Variants in AGAP1 observed in about 807,000 individuals in gnomAD.
AGAP1 encodes the protein arf-GAP with GTPase, ANK repeat and PH domain-containing protein 1.
In AGAP1, 29 loss-of-function variants were observed where a neutral mutation model predicts 105.3. The ratio of observed to expected loss-of-function variants is 0.28; its 90% CI spans 0.21 to 0.38. AGAP1 has a LOEUF of 0.38. Among genes scored for constraint, AGAP1 ranks in the 10% least tolerant of loss-of-function variants. AGAP1 has a pLI of 1.00. For missense variants in AGAP1, 998 were observed against 1,165.1 expected, an observed-to-expected ratio of 0.86 and a Z score of 2.09; for synonymous variants, 509 against 485.9, an observed-to-expected ratio of 1.05 and a Z score of -0.63.
At position 235,574,346 on chromosome 2, in the gene AGAP1, A is replaced by G. The variant is rs771492153; in HGVS notation, c.163+79497A>G. Among the ~76,000 whole-genome samples, 1 of 152,218 alleles carries G rather than the reference A, an allele frequency of 6.6e-6. No homozygotes were observed. Among genetic ancestry groups the G allele is most frequent in the East Asian group, 1.9e-4 (1 of 5,196 alleles). ...TACCTTAAGGGAAAGGCCTCAATGGATTGATTTAATTGTATGTGTGAAGCA... is the reference window on the plus strand; with the variant it reads ...TACCTTAAGGGAAAGGCCTCAATGGGTTGATTTAATTGTATGTGTGAAGCA... On this transcript the variant is annotated intron_variant, in intron 1 of 17. Coordinates refer to ENST00000304032, the MANE Select transcript of AGAP1 (RefSeq NM_001037131.3). This position sits in a 1 kb window ranked among gnomAD's most constrained non-coding sequence, Gnocchi z 5.0.
intron 16 of AGAP1, among the ~76,000 whole-genome samples, chr2:236,070,011 G>T (rs576898750): frequency 6.6e-6 from 1 of 152,262 alleles, no homozygotes; most frequent in East Asian, 1.9e-4. Context: ...GGTGGCTGAC[G>T]CCACCCAAGG....
At position 235,599,738 on chromosome 2, in the gene AGAP1, T is replaced by G. The variant is rs546491565; in HGVS notation, c.163+104889T>G. Reference sequence around the variant, plus strand: ...TTTCTGGGTCCCACGTGATTCTACCTGATCGCTGGCTCTCTAGGGCTTTTC... The same window carrying G: ...TTTCTGGGTCCCACGTGATTCTACCGGATCGCTGGCTCTCTAGGGCTTTTC... On this transcript the variant is annotated intron_variant, in intron 1 of 17. Transcript: ENST00000304032. The surrounding 1 kb of genome is among the most constrained non-coding windows in gnomAD (Gnocchi z 5.3). Among the ~76,000 whole-genome samples the G allele has an allele frequency of 6.6e-6, 1 of 152,294 alleles. No individual in the cohort carries two copies. Among genetic ancestry groups the G allele is most frequent in the South Asian group, 2.1e-4 (1 of 4,818 alleles).
rs2059029217 is a variant in AGAP1 at position 236,090,443 on chromosome 2, A to G, written c.2115-29749A>G. ...TTTCTTCTAATTGGTAACAGATTAG[A>G]GGCATTTTATCTTTTTAAATAATTT... On this transcript the variant is annotated intron_variant, in intron 16 of 17. Transcript: ENST00000304032. The surrounding 1 kb of genome is among the most constrained non-coding windows in gnomAD (Gnocchi z 4.3). Among the ~76,000 whole-genome samples, 1 of 152,192 alleles carries G rather than the reference A, an allele frequency of 6.6e-6. No homozygotes were observed. Among genetic ancestry groups the G allele is most frequent in the Non-Finnish European group, 1.5e-5 (1 of 68,048 alleles).
chr2:235,723,024 G>A lies in AGAP1; in HGVS notation c.310+5380G>A, dbSNP rs189549466. Reference sequence around the variant, plus strand: ...TTGGTTTAGACGGTCGCTGCACTTAGAACTGTTGGAGTTGGCCCCATCACT... The same window carrying A: ...TTGGTTTAGACGGTCGCTGCACTTAAAACTGTTGGAGTTGGCCCCATCACT... On this transcript the variant is annotated intron_variant, in intron 3 of 17. Coordinates refer to ENST00000304032, the MANE Select transcript of AGAP1 (RefSeq NM_001037131.3). The surrounding 1 kb of genome is among the most constrained non-coding windows in gnomAD (Gnocchi z 6.2). Among the ~76,000 whole-genome samples, 13 of 152,314 alleles carry A rather than the reference G, an allele frequency of 8.5e-5. No homozygotes were observed. The highest frequency in any genetic ancestry group is 3.1e-4 in the African/African-American group (13 of 41,566).
chr2:235,528,306 C>A (rs946809215), intron 1 of AGAP1, among the ~76,000 whole-genome samples: 1 of 151,970 alleles, frequency 6.6e-6, no homozygotes, highest in Non-Finnish European at 1.5e-5. Context: ...AATTCTTTCA[C>A]CCCAGCAAGC....
rs1022627861 is a variant in AGAP1 at position 235,981,881 on chromosome 2, G to T, written c.1645+13258G>T. ...GTGACCTTCCCTTCCCTTGGAAGGG[G>T]GCGCTTGTCTTTTCAGCGGTCTTGC... On this transcript the variant is annotated intron_variant, in intron 13 of 17. Transcript: ENST00000304032. This position sits in a 1 kb window ranked among gnomAD's most constrained non-coding sequence, Gnocchi z 5.5. Among the ~76,000 whole-genome samples the T allele has an allele frequency of 6.6e-6, 1 of 152,186 alleles. No homozygotes were observed. The highest frequency in any genetic ancestry group is 2.4e-5 in the African/African-American group (1 of 41,446).
intron 13 of AGAP1, among the ~76,000 whole-genome samples, chr2:236,026,881 A>G (rs971501654): frequency 3.9e-5 from 6 of 152,234 alleles, no homozygotes; most frequent in Admixed American, 2.6e-4. Context: ...TCCAGCCCCT[A>G]TGCCGTCTTT....
intron 9 of AGAP1, among the ~76,000 whole-genome samples, chr2:235,851,683 G>T (rs2048465775): frequency 6.6e-6 from 1 of 152,172 alleles, no homozygotes; most frequent in African/African-American, 2.4e-5. Context: ...AAGTGCAAGT[G>T]CAAGGAGCCC....
chr2:235,643,431 C>CAAAAA (rs56146940), intron 1 of AGAP1, among the ~76,000 whole-genome samples: 167 of 61,388 alleles, frequency 2.7e-3, no homozygotes, highest in East Asian at 4.4e-3. Context: ...GACTGGGTCT[C>CAAAAA]AAAAAAAAAA....
At chr2:235,513,245 C>CGCGGGCGCGGGCGCGGGT (rs960276964) in intron 1 of AGAP1, among the ~76,000 whole-genome samples, 3 of 152,002 alleles carry the variant, frequency 2.0e-5, no homozygotes, top group Non-Finnish European at 4.4e-5. Flanking sequence ...CTGTGCCGGG[C>CGCGGGCGCGGGCGCGGGT]GCGGGTGGCT....
At position 235,701,054 on chromosome 2, in the gene AGAP1, TTA is replaced by T. The variant is rs1950232373; in HGVS notation, c.164-8119_164-8118del. The stretch of plus-strand genomic sequence containing the variant: ...GCTATAATATAGTTATATGTATATA[TTA>T]TATATGCTATAATATAGTTATATGT... On this transcript the variant is annotated intron_variant, in intron 1 of 17. Coordinates refer to ENST00000304032, the MANE Select transcript of AGAP1 (RefSeq NM_001037131.3). The surrounding 1 kb of genome is among the most constrained non-coding windows in gnomAD (Gnocchi z 4.1). 7.4e-6 allele frequency among the ~76,000 whole-genome samples: 1 copy of T among 135,168 alleles called. No homozygotes were observed. The highest frequency in any genetic ancestry group is 3.1e-5 in the African/African-American group (1 of 32,412). The allele number at this position is 135,168 out of a possible 152,430, so 88.7% of individuals were successfully genotyped here.
chr2:235,742,493 T>C (rs1334574927), intron 4 of AGAP1, among the ~76,000 whole-genome samples: 1 of 152,296 alleles, frequency 6.6e-6, no homozygotes, highest in African/African-American at 2.4e-5. Flanking sequence ...CTTGAAGACG[T>C]GTTAAAAGTG....
intron 1 of AGAP1, among the ~76,000 whole-genome samples, chr2:235,657,211 T>C (rs1463877539): frequency 6.6e-6 from 1 of 152,230 alleles, no homozygotes; most frequent in Admixed American, 6.5e-5. Context: ...TTTATAGCTG[T>C]TACTTCAGTT....
intron 1 of AGAP1, among the ~76,000 whole-genome samples, chr2:235,604,351 G>A (rs921004827): frequency 2.0e-5 from 3 of 151,692 alleles, no homozygotes; most frequent in Admixed American, 2.0e-4. Flanking sequence ...ACATGGTGGT[G>A]TGCACCTGTA....
chr2:235,871,358 C>G (rs890204395), intron 9 of AGAP1, among the ~76,000 whole-genome samples: 2 of 152,222 alleles, frequency 1.3e-5, no homozygotes, highest in Non-Finnish European at 2.9e-5. Context: ...GCATGGCAAT[C>G]TGGTAGCTAG....
intron 9 of AGAP1, among the ~76,000 whole-genome samples, chr2:235,828,520 T>C (rs570673639): frequency 1.3e-5 from 2 of 152,276 alleles, no homozygotes; most frequent in South Asian, 4.1e-4. Context: ...CGAGTCACGT[T>C]TGTTCTATGA....
chr2:235,911,092 G>T (rs958037854), intron 11 of AGAP1, among the ~76,000 whole-genome samples: 2 of 152,028 alleles, frequency 1.3e-5, no homozygotes, highest in Non-Finnish European at 2.9e-5. Flanking sequence ...ATTTTAAATT[G>T]ATAAAAATGT....
At position 235,919,828 on chromosome 2, in the gene AGAP1, T is replaced by C. The variant is rs1037837155; in HGVS notation, c.1324+10922T>C. ...CAAAGAAAAATTCTTTTCTTCTCCG[T>C]CTTCACAATGCTTACACCCCTCATC... On this transcript the variant is annotated intron_variant, in intron 11 of 17. Coordinates refer to ENST00000304032, the MANE Select transcript of AGAP1 (RefSeq NM_001037131.3). This position sits in a 1 kb window ranked among gnomAD's most constrained non-coding sequence, Gnocchi z 4.1. 2.0e-5 allele frequency among the ~76,000 whole-genome samples: 3 copies of C among 152,196 alleles called. No individual in the cohort carries two copies. The highest frequency in any genetic ancestry group is 7.2e-5 in the African/African-American group (3 of 41,450).
rs1392236537 is a variant in AGAP1 at position 236,076,850 on chromosome 2, A to T, written c.2114+27569A>T. On this transcript the variant is annotated intron_variant, in intron 16 of 17. Transcript: ENST00000304032. This position sits in a 1 kb window ranked among gnomAD's most constrained non-coding sequence, Gnocchi z 4.4. Reference sequence around the variant, plus strand: ...TCCCAGCACAGGGTCTCATGCCTGTAATCCCAGCACTTTGGGAGGCCAAGG... The same window carrying T: ...TCCCAGCACAGGGTCTCATGCCTGTTATCCCAGCACTTTGGGAGGCCAAGG... 2.0e-5 allele frequency among the ~76,000 whole-genome samples: 3 copies of T among 152,042 alleles called. No individual in the cohort carries two copies. The highest frequency in any genetic ancestry group is 7.2e-5 in the African/African-American group (3 of 41,406).
Sources: allele counts gnomAD v4.1 joint callset (sites outside exome capture counted in the v4.1 genomes callset), GRCh38; gene constraint gnomAD v4.1.1; non-coding constraint Gnocchi (gnomAD v3.1); transcripts MANE v1.5; gene names NCBI Gene and HGNC (gene_info 2026-07-23, HGNC 2026-07-21).